The following CCDC73 variants were observed in gnomAD, a reference collection of about 807,000 sequenced individuals.
CCDC73 encodes the protein coiled-coil domain-containing protein 73.
A neutral mutation model predicts 116.5 loss-of-function variants in CCDC73; 95 were observed. That is an observed-to-expected ratio of 0.82 (90% CI 0.69 to 0.97). The LOEUF is 0.97. Among genes scored for constraint, CCDC73 ranks in the 50% least tolerant of loss-of-function variants. The pLI is 0.00. For synonymous variants in CCDC73, 398 were observed against 401.3 expected, an observed-to-expected ratio of 0.99 and a Z score of 0.10; for missense variants, 1,066 against 1,206.8, an observed-to-expected ratio of 0.88 and a Z score of 1.73.
At chr11:32,733,682 C>T (rs1008611193) in intron 2 of CCDC73, among the ~76,000 whole-genome samples, 16 of 152,050 alleles carry the variant, frequency 1.1e-4, no homozygotes, top group Non-Finnish European at 2.1e-4. Context: ...GGGTCCATAA[C>T]GAAATGAAGG....
rs1237047014 is a variant in CCDC73 at position 32,615,957 on chromosome 11, T to G, written c.1358A>C (p.Glu453Ala). 1 of 1,565,502 alleles carries G rather than the reference T, an allele frequency of 6.4e-7. No individual in the cohort carries two copies. The highest frequency in any genetic ancestry group is 8.7e-7 in the Non-Finnish European group (1 of 1,147,382). The change falls in exon 15 of 18, where the codon GAG becomes GCG. Residue 453 changes from glutamate (E) to alanine (A), a missense_variant. Transcript: ENST00000335185. Reference sequence around the variant, plus strand: ...AAGGTTACCATCTATAATTATTTCCTCTATAAATGAGCCTTCTTTTTTTTC... The same window carrying G: ...AAGGTTACCATCTATAATTATTTCCGCTATAAATGAGCCTTCTTTTTTTTC... ...KEEKKEGSFI[E>A]EIIIDDLQLF...
At chr11:32,726,687 G>T (rs1381619478) in intron 2 of CCDC73, among the ~76,000 whole-genome samples, 2 of 151,994 alleles carry the variant, frequency 1.3e-5, no homozygotes, top group Admixed American at 1.3e-4. Context: ...TCAATTATAG[G>T]CTTGGCCAGA....
chr11:32,720,591 T>C (rs943006088), intron 2 of CCDC73, among the ~76,000 whole-genome samples: 1 of 152,144 alleles, frequency 6.6e-6, no homozygotes, highest in Non-Finnish European at 1.5e-5. Flanking sequence ...TATTTGCAGA[T>C]GATATGATTG....
At chr11:32,807,603 T>TA in the CCDC73 span, among the ~76,000 whole-genome samples, 5 of 151,902 alleles carry the variant, frequency 3.3e-5, no homozygotes, top group Admixed American at 6.6e-5. Context: ...GCAACTTTTT[T>TA]TTTTTAGCTC....
chr11:32,764,308 T>A (rs957006304), intron 1 of CCDC73, among the ~76,000 whole-genome samples: 1 of 152,206 alleles, frequency 6.6e-6, no homozygotes, highest in South Asian at 2.1e-4. Flanking sequence ...AGACACATAA[T>A]TGTCAGATTC....
At chr11:32,722,936 G>C (rs1470606635) in intron 2 of CCDC73, among the ~76,000 whole-genome samples, 3 of 152,166 alleles carry the variant, frequency 2.0e-5, no homozygotes, top group Non-Finnish European at 4.4e-5. Context: ...AGTCACACAG[G>C]AGGTAAATGG....
chr11:32,769,730 T>C (rs1303070234), intron 1 of CCDC73, among the ~76,000 whole-genome samples: 1 of 152,232 alleles, frequency 6.6e-6, no homozygotes, highest in African/African-American at 2.4e-5. Context: ...CTTCCATGTA[T>C]ATCCCTACTC....
At chr11:32,782,048 T>C (rs555499322) in intron 1 of CCDC73, among the ~76,000 whole-genome samples, 5 of 152,136 alleles carry the variant, frequency 3.3e-5, no homozygotes, top group Non-Finnish European at 7.4e-5. Context: ...GTACAAACCC[T>C]GTTGTGAACT....
chr11:32,638,570 C>T (rs1230554366), intron 13 of CCDC73, among the ~76,000 whole-genome samples: 1 of 152,002 alleles, frequency 6.6e-6, no homozygotes, highest in African/African-American at 2.4e-5. Context: ...CCTCTGACTC[C>T]CAGGTTCAAG....
At chr11:32,797,814 C>A (rs774763889), upstream of CCDC73, among the ~76,000 whole-genome samples, 2 of 152,148 alleles carry the variant, frequency 1.3e-5, no homozygotes, top group Non-Finnish European at 2.9e-5. Context: ...AGGCATTTGA[C>A]CTCTCTGTGC....
rs572137403 is a variant in CCDC73, at chr11:32,744,413, C to T, written c.135+15696G>A. Among the ~76,000 whole-genome samples, 8 of 152,092 alleles carry T rather than the reference C, an allele frequency of 5.3e-5. No homozygotes were observed. The East Asian group carries it at 1.5e-3, about 29-fold the overall frequency. On this transcript the variant is annotated intron_variant, in intron 2 of 17. Transcript: ENST00000335185. ...GCCAGGCTTTGGTATAAGAATGATG[C>T]TGGCCTCATAAAATGATTTAGGGAG...
intron 14 of CCDC73, among the ~76,000 whole-genome samples, chr11:32,618,284 G>A (rs912491763): frequency 3.3e-5 from 5 of 152,068 alleles, no homozygotes; most frequent in Non-Finnish European, 7.4e-5. Flanking sequence ...ACTGTTGATG[G>A]GCACCTAAGT....
intron 1 of CCDC73, among the ~76,000 whole-genome samples, chr11:32,776,386 C>G (rs997790545): frequency 6.6e-6 from 1 of 152,078 alleles, no homozygotes; most frequent in Non-Finnish European, 1.5e-5. Context: ...AAATCAAGCC[C>G]AAATTCCTGT....
At chr11:32,625,816 G>C (rs942389478) in intron 14 of CCDC73, among the ~76,000 whole-genome samples, 6 of 151,980 alleles carry the variant, frequency 3.9e-5, no homozygotes, top group African/African-American at 1.5e-4. Flanking sequence ...ATTAGGTATT[G>C]ATGGGACGTA....
At chr11:32,641,856 A>T in intron 13 of CCDC73, 116 bp downstream of exon 13, 2 of 806,920 alleles carry the variant, frequency 2.5e-6, no homozygotes, top group Non-Finnish European at 3.4e-6. Flanking sequence ...CAAGAAAAAA[A>T]TGTGTCTGAT....
chr11:32,694,646 G>A (rs890861208), intron 6 of CCDC73, among the ~76,000 whole-genome samples: 13 of 151,764 alleles, frequency 8.6e-5, no homozygotes, highest in Non-Finnish European at 1.5e-4. Flanking sequence ...AATTAAATAC[G>A]TATGAATGAC....
At chr11:32,639,471 A>T (rs1855713078) in intron 13 of CCDC73, among the ~76,000 whole-genome samples, 1 of 150,358 alleles carries the variant, frequency 6.7e-6, no homozygotes, top group Non-Finnish European at 1.5e-5. Flanking sequence ...TTTTTTTGAG[A>T]TGGAGTCTCA....
chr11:32,603,085 A>G, intron 17 of CCDC73, 65 bp from the exon 18 acceptor site: 1 of 1,324,542 alleles, frequency 7.5e-7, no homozygotes, highest in South Asian at 1.4e-5. Flanking sequence ...GAGTCTGTAA[A>G]GCCTCTGCAG....
chr11:32,696,853 C>T (rs951742384), intron 6 of CCDC73, among the ~76,000 whole-genome samples: 30 of 151,316 alleles, frequency 2.0e-4, no homozygotes, highest in Non-Finnish European at 2.2e-4. Context: ...ATAAAAAACA[C>T]AAGGATTTTT....
Sources: allele counts gnomAD v4.1 joint callset (sites outside exome capture counted in the v4.1 genomes callset), GRCh38; gene constraint gnomAD v4.1.1; transcripts MANE v1.5; gene names NCBI Gene and HGNC (gene_info 2026-07-23, HGNC 2026-07-21).